The following PALD1 variants were observed in gnomAD, a reference collection of about 807,000 sequenced individuals.
The protein encoded by PALD1 is phosphatase domain containing paladin 1, also known as paladin.
In PALD1, 57 loss-of-function variants were observed where a neutral mutation model predicts 96.0. The observed-to-expected ratio is 0.59, with a 90% CI of 0.48 to 0.74. The LOEUF (loss-of-function observed/expected upper bound fraction) is 0.74, where lower values mean the gene tolerates loss of function less well. Among genes scored for constraint, PALD1 ranks in the 30% least tolerant of loss-of-function variants. The pLI is 0.00. For synonymous variants in PALD1, 464 were observed against 473.6 expected (o/e 0.98, Z 0.26); for missense variants, 1,063 against 1,143.7 (o/e 0.93, Z 1.02).
At chr10:70,528,894 A>G (rs1846927573) in intron 2 of PALD1, among the ~76,000 whole-genome samples, 1 of 152,168 alleles carries the variant, frequency 6.6e-6, no homozygotes, top group African/African-American at 2.4e-5. Context: ...ACAAAATAGA[A>G]GGCACCTCTT....
At chr10:70,519,370 A>G (rs1443018317) in intron 1 of PALD1, among the ~76,000 whole-genome samples, 1 of 152,152 alleles carries the variant, frequency 6.6e-6, no homozygotes, top group Non-Finnish European at 1.5e-5. Flanking sequence ...TTGATTCATT[A>G]TCTGATACAG....
chr10:70,529,809 TGGAG>T, intron 3 of PALD1, 76 bp from the exon 4 acceptor site: 1 of 1,311,228 alleles, frequency 7.6e-7, no homozygotes. Flanking sequence ...CCCTGTCCCC[TGGAG>T]CCCAGGACAG....
At chr10:70,487,298 T>G (rs1297156115) in intron 1 of PALD1, among the ~76,000 whole-genome samples, 1 of 79,722 alleles carries the variant, frequency 1.3e-5, no homozygotes, top group Non-Finnish European at 4.1e-5. Flanking sequence ...CATGCCCGGC[T>G]AATTTTTTGT....
In PALD1 at chr10:70,526,155, G is replaced by A; in HGVS notation, c.185+19G>A. 1.2e-6 allele frequency: 2 copies of A among 1,608,090 alleles called. No homozygotes were observed. On this transcript the variant is annotated intron_variant, in intron 2 of 19. Transcript: ENST00000263563. ...TGATCACGTGAGTGGCAGGGGGAGTGTGCCCATGTCCCTGGGAGACATGAT... is the reference window on the plus strand; with the variant it reads ...TGATCACGTGAGTGGCAGGGGGAGTATGCCCATGTCCCTGGGAGACATGAT...
At chr10:70,497,043 G>A (rs1223959520) in intron 1 of PALD1, among the ~76,000 whole-genome samples, 4 of 152,212 alleles carry the variant, frequency 2.6e-5, no homozygotes, top group African/African-American at 4.8e-5. Context: ...GCGTGCCCAC[G>A]AAGCAGCAGT....
At chr10:70,526,190 G>A (rs1846864211) in intron 2 of PALD1, 54 bp downstream of exon 2, 3 of 1,495,250 alleles carry the variant, frequency 2.0e-6, no homozygotes, top group Non-Finnish European at 2.8e-6. Flanking sequence ...TGGGCGGGGG[G>A]ACCTGCTTGG....
chr10:70,479,330 A>G (rs753799642), intron 1 of PALD1, among the ~76,000 whole-genome samples: 7 of 152,240 alleles, frequency 4.6e-5, no homozygotes, highest in Admixed American at 1.3e-4. Flanking sequence ...CCTGGTGACA[A>G]TTCCACTTTT....
At chr10:70,541,034 G>A (rs980733934) in intron 15 of PALD1, 68 bp from the exon 16 acceptor site, 155 of 1,499,298 alleles carry the variant, frequency 1.0e-4, no homozygotes, top group Middle Eastern at 1.8e-4. Context: ...CCATGTGGAT[G>A]GGGACCCTGT....
rs541992056 is a variant in PALD1 at position 70,539,938 on chromosome 10, T to G, written c.1908+176T>G. 6.6e-6 allele frequency among the ~76,000 whole-genome samples: 1 copy of G among 152,202 alleles called. No individual in the cohort carries two copies. The highest frequency in any genetic ancestry group is 2.1e-4 in the South Asian group (1 of 4,822). Reference sequence around the variant, plus strand: ...GGTTTATTCACATTCCTTCCAAGCTTTGTGTGTGTGTACGTGTGTTTATTA... The same window carrying G: ...GGTTTATTCACATTCCTTCCAAGCTGTGTGTGTGTGTACGTGTGTTTATTA... On this transcript the variant is annotated intron_variant, in intron 15 of 19. Coordinates refer to ENST00000263563, the MANE Select transcript of PALD1 (RefSeq NM_014431.3). The surrounding 1 kb of genome is among the most constrained non-coding windows in gnomAD (Gnocchi z 4.5).
chr10:70,482,375 A>G (rs1367449929), intron 1 of PALD1, among the ~76,000 whole-genome samples: 1 of 152,210 alleles, frequency 6.6e-6, no homozygotes, highest in African/African-American at 2.4e-5. Context: ...CCCAGAGGGC[A>G]GCCCAGCCAT....
chr10:70,559,026 C>T (rs139428571), intron 18 of PALD1, among the ~76,000 whole-genome samples: 3 of 152,104 alleles, frequency 2.0e-5, no homozygotes, highest in South Asian at 2.1e-4. Context: ...GTAGGAGGGC[C>T]GTGTCCCTGG....
Position 70,540,959 on chromosome 10 carries a change from TTTTG to T in PALD1, c.1909-137_1909-134del, listed in dbSNP as rs772660831. ...ACATGGTCTCATGCACCCCGGTGAGTTTTGTTTGTGTGTGCAAGCTTGGGAGCCT... is the reference window on the plus strand; with the variant it reads ...ACATGGTCTCATGCACCCCGGTGAGTTTTGTGTGTGCAAGCTTGGGAGCCT... On this transcript the variant is annotated intron_variant, in intron 15 of 19. Coordinates refer to ENST00000263563, the MANE Select transcript of PALD1 (RefSeq NM_014431.3). The surrounding 1 kb of genome is among the most constrained non-coding windows in gnomAD (Gnocchi z 4.2). 3.5e-6 allele frequency: 3 copies of T among 848,360 alleles called. No homozygotes were observed. The highest frequency in any genetic ancestry group is 3.4e-5 in the South Asian group (2 of 58,586). The allele number at this position is 848,360 out of a possible 1,614,324, so 52.6% of individuals were successfully genotyped here. A position where few individuals can be genotyped will look rare whatever the true frequency, so the allele number is the denominator to read the frequency against.
intron 1 of PALD1, among the ~76,000 whole-genome samples, chr10:70,492,314 C>T (rs774313877): frequency 6.6e-6 from 1 of 152,152 alleles, no homozygotes; most frequent in Middle Eastern, 3.4e-3. Context: ...CGTATAACTC[C>T]GTGGTAAGTC....
intron 10 of PALD1, among the ~76,000 whole-genome samples, chr10:70,536,790 G>A (rs188532654): frequency 2.1e-3 from 325 of 152,336 alleles, no homozygotes; most frequent in Non-Finnish European, 4.0e-3. Flanking sequence ...ACCAAAGGGC[G>A]TGGCCCTTCT....
chr10:70,530,101 T>C (rs755842979), intron 4 of PALD1, 33 bp downstream of exon 4: 2 of 1,482,714 alleles, frequency 1.3e-6, no homozygotes, highest in Admixed American at 2.4e-5. Context: ...AGAAGCCAGG[T>C]CCCCAAAGCC....
intron 1 of PALD1, among the ~76,000 whole-genome samples, chr10:70,504,940 G>A (rs961298327): frequency 6.6e-6 from 1 of 152,218 alleles, no homozygotes; most frequent in Non-Finnish European, 1.5e-5. Flanking sequence ...TGAACATTTT[G>A]TACCTCGTCA....
At chr10:70,538,182 G>A (rs1847154365) in intron 11 of PALD1, 98 bp from the exon 12 acceptor site, 2 of 1,309,952 alleles carry the variant, frequency 1.5e-6, no homozygotes, top group Non-Finnish European at 2.1e-6. Context: ...GGGCCATGTT[G>A]GATATCTTTT....
intron 1 of PALD1, among the ~76,000 whole-genome samples, chr10:70,491,990 TA>T (rs1846106721): frequency 6.6e-6 from 1 of 152,224 alleles, no homozygotes; most frequent in South Asian, 2.1e-4. Context: ...ATTCGTTTAT[TA>T]TTTGATGGGC....
chr10:70,508,562 T>C (rs565742318), intron 1 of PALD1, among the ~76,000 whole-genome samples: 2 of 152,308 alleles, frequency 1.3e-5, no homozygotes, highest in East Asian at 3.9e-4. Flanking sequence ...TGCCCAGTGA[T>C]GCGCATGAGC....
Sources: gnomAD v4.1 joint callset for allele counts (sites outside exome capture counted in the v4.1 genomes callset) on GRCh38, gnomAD v4.1.1 for gene constraint, Gnocchi (gnomAD v3.1) non-coding constraint, MANE v1.5 for transcripts, NCBI Gene and HGNC (gene_info 2026-07-23, HGNC 2026-07-21) for gene names.